VRTN: variants seen among roughly 807,000 people sequenced by gnomAD.
The protein encoded by VRTN is vertebrae development associated.
A neutral mutation model predicts 18.2 loss-of-function variants in VRTN; 5 were observed. The ratio of observed to expected loss-of-function variants is 0.27; its 90% confidence interval spans 0.14 to 0.58. The LOEUF is 0.58. Ranked by LOEUF, VRTN falls within the 20% of genes least tolerant of loss-of-function variation. VRTN has a pLI of 0.91. For synonymous variants in VRTN, 381 were observed against 393.7 expected, an observed-to-expected ratio of 0.97 and a Z score of 0.38; for missense variants, 741 against 939.4, an observed-to-expected ratio of 0.79 and a Z score of 2.76.
At chr14:74,313,101 A>G (rs1271451515) in intron 1 of VRTN, among the ~76,000 whole-genome samples, 1 of 152,168 alleles carries the variant, frequency 6.6e-6, no homozygotes, top group Non-Finnish European at 1.5e-5. Context: ...TATACCCTAA[A>G]AGAGAAGCAA....
chr14:74,338,643 C>A (rs1235586593), intron 2 of VRTN, among the ~76,000 whole-genome samples: 4 of 152,218 alleles, frequency 2.6e-5, no homozygotes, highest in African/African-American at 9.6e-5. Context: ...AAGCCTCAAA[C>A]TCCTGGGCTC....
intron 1 of VRTN, among the ~76,000 whole-genome samples, chr14:74,335,913 G>A (rs1443513355): frequency 6.6e-6 from 1 of 151,520 alleles, no homozygotes; most frequent in African/African-American, 2.4e-5. Context: ...GCTAATTTTT[G>A]TGTCTTTAGT....
At chr14:74,311,961 G>A (rs1387533080) in intron 1 of VRTN, among the ~76,000 whole-genome samples, 1 of 151,318 alleles carries the variant, frequency 6.6e-6, no homozygotes, top group Non-Finnish European at 1.5e-5. Flanking sequence ...GTAGAGACAG[G>A]GTTTCACCAT....
chr14:74,306,181 T>A lies in VRTN; in HGVS notation c.-164+3005T>A, dbSNP rs1352307348. 3.7e-3 allele frequency: 504 copies of A among 135,812 alleles called. 11 individuals are homozygous for A. The highest frequency in any genetic ancestry group is 0.013 in the African/African-American group (477 of 35,622). The allele number at this position is 135,812 out of a possible 1,614,324, so 8.4% of individuals were successfully genotyped here. On this transcript the variant is annotated intron_variant, in intron 1 of 2. Coordinates refer to the VRTN transcript ENST00000557177. ...ATATATATATATATATATTTTTTTT[T>A]TTTTTTTGAGACAGAGTCTTGCTCT...
chr14:74,339,378 T>C (rs2085585436), intron 2 of VRTN, among the ~76,000 whole-genome samples: 1 of 151,762 alleles, frequency 6.6e-6, no homozygotes, highest in Admixed American at 6.6e-5. Context: ...AGAGTCTGAG[T>C]GGTCATCCAT....
At chr14:74,303,843 A>ATTTTTTTTTTTTTTTTTTTTT (rs67822776) in intron 1 of VRTN, among the ~76,000 whole-genome samples, 2 of 88,498 alleles carry the variant, frequency 2.3e-5, no homozygotes, top group African/African-American at 1.0e-4. Context: ...ACAATTACAG[A>ATTTTTTTTTTTTTTTTTTTTT]TTTTTTTTTT....
chr14:74,305,185 A>T (rs956893433), intron 1 of VRTN, among the ~76,000 whole-genome samples: 4 of 152,140 alleles, frequency 2.6e-5, no homozygotes, highest in Non-Finnish European at 5.9e-5. Context: ...TACAAAAATT[A>T]GCCAGGTGTG....
At chr14:74,352,039 A>T (rs1443090076) in intron 1 of VRTN, among the ~76,000 whole-genome samples, 1 of 150,956 alleles carries the variant, frequency 6.6e-6, no homozygotes, top group Non-Finnish European at 1.5e-5. Context: ...TTTAGTAGAC[A>T]CAGGGTTTCA....
rs370660662 is a variant in VRTN, at chr14:74,358,729, C to T, written c.1946C>T (p.Thr649Met). 2.2e-5 allele frequency: 36 copies of T among 1,614,098 alleles called. No individual in the cohort carries two copies. The highest frequency in any genetic ancestry group is 7.7e-5 in the South Asian group (7 of 91,090). Residue 649 changes from threonine (T) to methionine (M), a missense_variant, in exon 2 of 2, where the codon ACG becomes ATG. Physicochemically the swap from Thr to Met is moderately conservative, Grantham distance 81. Around this residue, in one of 3 missense-constraint regions of VRTN, gnomAD observed 61 missense variants for 104.6 expected, o/e 0.58. Coordinates refer to ENST00000256362, the MANE Select transcript of VRTN (RefSeq NM_018228.3). The surrounding 1 kb of genome is among the most constrained non-coding windows in gnomAD (Gnocchi z 5.4). ...CTGGTGATGGACATGATCGCTACCA[C>T]GAAGTTCAAGGCCCAGGCCAAGCTG... The part of the protein sequence containing the change: ...RMLVMDMIAT[T>M]KFKAQAKLFL...
intron 1 of VRTN, among the ~76,000 whole-genome samples, chr14:74,320,243 C>T (rs1435162789): frequency 1.4e-5 from 2 of 147,864 alleles, no homozygotes; most frequent in East Asian, 2.0e-4. Flanking sequence ...GAGCAAGATC[C>T]CATCCCTTTT....
At chr14:74,339,201 A>C (rs2085584496) in intron 2 of VRTN, among the ~76,000 whole-genome samples, 1 of 152,098 alleles carries the variant, frequency 6.6e-6, no homozygotes, top group Non-Finnish European at 1.5e-5. Flanking sequence ...TTATTTCCTC[A>C]GGGCCAAGTA....
In VRTN at chr14:74,356,963, G is replaced by T. The variant is rs762229741; in HGVS notation, c.180G>T (p.Ser60=). The T allele has an allele frequency of 6.2e-7, 1 of 1,613,714 alleles. No homozygotes were observed. Among genetic ancestry groups the T allele is most frequent in the African/African-American group, 1.3e-5 (1 of 75,020 alleles). The change falls in exon 2 of 2, where the codon TCG becomes TCT. Residue 60 remains serine (S), a synonymous_variant. Coordinates refer to ENST00000256362, the MANE Select transcript of VRTN (RefSeq NM_018228.3). The stretch of plus-strand genomic sequence containing the variant: ...GCCTCCAGGTGCTGGAAGTGGACTC[G>T]GTGGCCCTGAGCCTGTATCCAGAAG... ...GPGLQVLEVD[S]VALSLYPEDA...
rs537944807 is a variant in VRTN at position 74,336,300 on chromosome 14, G to A, written c.-163-1423G>A. Among the ~76,000 whole-genome samples, 8 of 151,968 alleles carry A rather than the reference G, an allele frequency of 5.3e-5. No individual in the cohort carries two copies. The South Asian group carries it at 1.0e-3, about 20-fold the overall frequency. On this transcript the variant is annotated intron_variant, in intron 1 of 2. Coordinates refer to the VRTN transcript ENST00000557177. ...TGCATGCTTGTAATCCCAGCTGCTCGGGAGGCTGAGGCAGGAGAATTGCTT... is the reference window on the plus strand; with the variant it reads ...TGCATGCTTGTAATCCCAGCTGCTCAGGAGGCTGAGGCAGGAGAATTGCTT...
chr14:74,330,922 G>A lies in VRTN; in HGVS notation c.-163-6801G>A, dbSNP rs531295905. Reference sequence around the variant, plus strand: ...CATGAATAAAACACAAGTCTGGGCCGGGCACGGTGGCTCACGCCTGTAATC... The same window carrying A: ...CATGAATAAAACACAAGTCTGGGCCAGGCACGGTGGCTCACGCCTGTAATC... On this transcript the variant is annotated intron_variant, in intron 1 of 2. Transcript: ENST00000557177. 2.6e-5 allele frequency among the ~76,000 whole-genome samples: 4 copies of A among 151,972 alleles called. No homozygotes were observed. In the South Asian group the frequency reaches 6.2e-4, roughly 24 times the overall value.
intron 1 of VRTN, among the ~76,000 whole-genome samples, chr14:74,333,361 C>T (rs146962421): frequency 0.019 from 2,834 of 151,894 alleles, 107 homozygotes; most frequent in African/African-American, 0.065. Context: ...CCAGCCTGGG[C>T]GACAGAGCGA....
chr14:74,330,788 C>A (rs932476003), intron 1 of VRTN, among the ~76,000 whole-genome samples: 11 of 151,998 alleles, frequency 7.2e-5, no homozygotes, highest in African/African-American at 2.4e-4. Flanking sequence ...AGAAGTTGAC[C>A]ACTTGACTCT....
chr14:74,327,228 A>G (rs191868765), intron 1 of VRTN, among the ~76,000 whole-genome samples: 1 of 152,224 alleles, frequency 6.6e-6, no homozygotes, highest in Admixed American at 6.5e-5. Flanking sequence ...GGTGAAATAT[A>G]TGTGGATCCA....
chr14:74,346,919 G>A (rs558376050), upstream of VRTN, among the ~76,000 whole-genome samples: 15 of 152,160 alleles, frequency 9.9e-5, no homozygotes, highest in African/African-American at 1.2e-4. Flanking sequence ...TAATGCAGAC[G>A]TTTTTTATAA....
chr14:74,307,008 A>G (rs1855303822), intron 1 of VRTN, among the ~76,000 whole-genome samples: 1 of 152,110 alleles, frequency 6.6e-6, no homozygotes, highest in Admixed American at 6.6e-5. Flanking sequence ...TAAAATGAAT[A>G]CTTGTTTTAA....
Sources: gnomAD v4.1 joint callset for allele counts (sites outside exome capture counted in the v4.1 genomes callset) on GRCh38, gnomAD v4.1.1 for gene constraint, gnomAD v4.1.1 regional missense constraint, Gnocchi (gnomAD v3.1) non-coding constraint, MANE v1.5 for transcripts, NCBI Gene and HGNC (gene_info 2026-07-23, HGNC 2026-07-21) for gene names.